Variants in BAIAP2L1 observed in about 807,000 individuals in gnomAD.
The protein encoded by BAIAP2L1 is BAR/IMD domain-containing adapter protein 2-like 1.
In BAIAP2L1, 35 loss-of-function variants were observed where a neutral mutation model predicts 66.3. The observed-to-expected ratio is 0.53, with a 90% CI of 0.40 to 0.70. The LOEUF (loss-of-function observed/expected upper bound fraction) is 0.70, where lower values mean the gene tolerates loss of function less well. Ranked by LOEUF, BAIAP2L1 falls within the 30% of genes least tolerant of loss-of-function variation. The pLI is 0.00. For synonymous variants in BAIAP2L1, 269 were observed against 248.7 expected (o/e 1.08, Z -0.77); for missense variants, 622 against 656.9 (o/e 0.95, Z 0.58).
At chr7:98,368,912 G>C (rs1802448528) in intron 1 of BAIAP2L1, among the ~76,000 whole-genome samples, 1 of 151,544 alleles carries the variant, frequency 6.6e-6, no homozygotes, top group Non-Finnish European at 1.5e-5. Context: ...ACAATTCCAA[G>C]CAAAGCTGCT....
chr7:98,315,636 A>ATAATAC, intron 6 of BAIAP2L1, 24 bp from the exon 7 acceptor site: 1 of 1,091,534 alleles, frequency 9.2e-7, no homozygotes, highest in Non-Finnish European at 1.2e-6. Flanking sequence ...AATAATAATA[A>ATAATAC]TAATAATTAT....
Position 98,304,194 on chromosome 7 carries a change from A to T in BAIAP2L1, c.1422+2T>A, listed in dbSNP as rs922632250. Reference sequence around the variant, plus strand: ...AGGACGCCCTGCTGCGGCTTTACTCACAGGAGCCGCGGTCTCGGGCTTGGA... The same window carrying T: ...AGGACGCCCTGCTGCGGCTTTACTCTCAGGAGCCGCGGTCTCGGGCTTGGA... On this transcript the variant is annotated splice_donor_variant, in intron 12 of 13. Coordinates refer to ENST00000005260, the MANE Select transcript of BAIAP2L1 (RefSeq NM_018842.5). LOFTEE classifies it high-confidence loss of function. 8 of 1,581,088 alleles carry T rather than the reference A, an allele frequency of 5.1e-6. No homozygotes were observed. Among genetic ancestry groups the T allele is most frequent in the Non-Finnish European group, 6.9e-6 (8 of 1,163,108 alleles).
At chr7:98,353,645 T>TTATA (rs1802055240) in intron 3 of BAIAP2L1, among the ~76,000 whole-genome samples, 3 of 140,252 alleles carry the variant, frequency 2.1e-5, no homozygotes, top group African/African-American at 7.9e-5. Flanking sequence ...ATATGTATAT[T>TTATA]ATATATATTT....
At chr7:98,349,737 T>C (rs556196156) in intron 3 of BAIAP2L1, among the ~76,000 whole-genome samples, 51 of 149,544 alleles carry the variant, frequency 3.4e-4, no homozygotes, top group African/African-American at 1.2e-3. Context: ...CGGCCGGGGA[T>C]GGTGGCTCAC....
At chr7:98,341,811 A>G (rs1801747021) in intron 3 of BAIAP2L1, among the ~76,000 whole-genome samples, 1 of 152,152 alleles carries the variant, frequency 6.6e-6, no homozygotes, top group Non-Finnish European at 1.5e-5. Flanking sequence ...TTCAGTAAAT[A>G]AAATCTCCTC....
chr7:98,301,119 C>T (rs1173245836), intron 12 of BAIAP2L1, among the ~76,000 whole-genome samples: 1 of 152,146 alleles, frequency 6.6e-6, no homozygotes, highest in Non-Finnish European at 1.5e-5. Flanking sequence ...CCACAAAACC[C>T]CTCCCCCACA....
At chr7:98,347,018 C>CAACAA (rs917192537) in intron 3 of BAIAP2L1, among the ~76,000 whole-genome samples, 1 of 150,052 alleles carries the variant, frequency 6.7e-6, no homozygotes, top group Non-Finnish European at 1.5e-5. Flanking sequence ...ACAACAACAA[C>CAACAA]AACAAAACAA....
intron 7 of BAIAP2L1, 84 bp downstream of exon 7, chr7:98,315,375 CG>C (rs1244442296): frequency 1.6e-6 from 2 of 1,243,376 alleles, no homozygotes; most frequent in Non-Finnish European, 2.1e-6. Flanking sequence ...GGATTACAGG[CG>C]TGGGCCACGG....
intron 5 of BAIAP2L1, among the ~76,000 whole-genome samples, chr7:98,318,970 G>A (rs932434604): frequency 1.1e-4 from 17 of 151,162 alleles, no homozygotes; most frequent in African/African-American, 3.4e-4. Context: ...AAAGAATGGT[G>A]TCTATGTTTT....
chr7:98,398,793 A>AG (rs1803280697), intron 1 of BAIAP2L1, among the ~76,000 whole-genome samples: 1 of 152,134 alleles, frequency 6.6e-6, no homozygotes, highest in Non-Finnish European at 1.5e-5. Flanking sequence ...AAGAAGCGGG[A>AG]GAAAAAAAGC....
chr7:98,355,896 G>T (rs1802108633), intron 2 of BAIAP2L1, among the ~76,000 whole-genome samples: 1 of 152,066 alleles, frequency 6.6e-6, no homozygotes, highest in Non-Finnish European at 1.5e-5. Context: ...TATTGAAAAA[G>T]GCATTTTGAG....
chr7:98,305,552 T>C (rs771916174), intron 11 of BAIAP2L1, among the ~76,000 whole-genome samples: 1 of 152,132 alleles, frequency 6.6e-6, no homozygotes, highest in Non-Finnish European at 1.5e-5. Flanking sequence ...CCAGAGTAGA[T>C]GGGACAATGG....
intron 3 of BAIAP2L1, among the ~76,000 whole-genome samples, chr7:98,340,793 GTTTTTT>G (rs11455938): frequency 7.2e-6 from 1 of 138,048 alleles, no homozygotes; most frequent in Non-Finnish European, 1.5e-5. Context: ...GCTCTTACAG[GTTTTTT>G]TTTTTTTTTG....
chr7:98,380,290 G>C (rs993641882), intron 1 of BAIAP2L1, among the ~76,000 whole-genome samples: 1 of 151,866 alleles, frequency 6.6e-6, no homozygotes, highest in African/African-American at 2.4e-5. Context: ...GTTGCCCAGT[G>C]TATCAGTCTG....
chr7:98,365,114 C>G (rs1048746052), intron 1 of BAIAP2L1, among the ~76,000 whole-genome samples: 4 of 149,676 alleles, frequency 2.7e-5, no homozygotes, highest in African/African-American at 7.3e-5. Context: ...TTTCTGGAAG[C>G]CTTCTCTTTA....
rs148960986 is a variant in BAIAP2L1, at chr7:98,361,240, C to T, written c.127+1117G>A. On this transcript the variant is annotated intron_variant, in intron 2 of 13. Coordinates refer to ENST00000005260, the MANE Select transcript of BAIAP2L1 (RefSeq NM_018842.5). Reference sequence around the variant, plus strand: ...GGCATGGTGGTGTACACCTATAATCCCAGCTACTTGGGAGGCTGAGGCAGA... The same window carrying T: ...GGCATGGTGGTGTACACCTATAATCTCAGCTACTTGGGAGGCTGAGGCAGA... 7.8e-3 allele frequency among the ~76,000 whole-genome samples: 1,193 copies of T among 152,060 alleles called. 12 individuals are homozygous for T. The highest frequency in any genetic ancestry group is 0.028 in the African/African-American group (1,149 of 41,452).
chr7:98,324,561 T>C (rs572353803), intron 3 of BAIAP2L1, among the ~76,000 whole-genome samples: 1 of 152,292 alleles, frequency 6.6e-6, no homozygotes, highest in South Asian at 2.1e-4. Context: ...AACATTTTCA[T>C]TGGAAACACA....
chr7:98,292,419 C>T lies in BAIAP2L1; in HGVS notation c.*1102G>A. 1 of 564,110 alleles carries T rather than the reference C, an allele frequency of 1.8e-6. No individual in the cohort carries two copies. The highest frequency in any genetic ancestry group is 3.2e-6 in the Non-Finnish European group (1 of 316,764). The allele number at this position is 564,110 out of a possible 1,614,324, so 34.9% of individuals were successfully genotyped here. ...AGACTCCTGACCTCAGGTGATCCCC[C>T]TGCCTCGGCCTCACAAAATGCTGGG... On this transcript the variant is annotated 3_prime_UTR_variant, in exon 14 of 14. Coordinates refer to ENST00000005260, the MANE Select transcript of BAIAP2L1 (RefSeq NM_018842.5).
intron 3 of BAIAP2L1, among the ~76,000 whole-genome samples, chr7:98,335,703 CAGTGGCACAGG>C (rs1350933466): frequency 6.6e-6 from 1 of 152,202 alleles, no homozygotes; most frequent in African/African-American, 2.4e-5. Flanking sequence ...AGGCAGGCAG[CAGTGGCACAGG>C]GGTGGTAACT....
Sources: allele counts gnomAD v4.1 joint callset (sites outside exome capture counted in the v4.1 genomes callset), GRCh38; gene constraint gnomAD v4.1.1; transcripts MANE v1.5; gene names NCBI Gene and HGNC (gene_info 2026-07-23, HGNC 2026-07-21).